RBFOX1: variants seen among roughly 807,000 people sequenced by gnomAD.
RBFOX1 encodes RNA binding fox-1 homolog 1.
Under a neutral mutation model 57.7 loss-of-function variants are expected in RBFOX1, and 8 were observed. That is an observed-to-expected ratio of 0.14 (90% CI 0.08 to 0.25). The LOEUF is 0.25. Among genes scored for constraint, RBFOX1 ranks in the 10% least tolerant of loss-of-function variants. The pLI, the probability that RBFOX1 is intolerant of heterozygous loss-of-function variation, is 1.00. For synonymous variants in RBFOX1, 326 were observed against 222.4 expected (o/e 1.47, Z -4.15); for missense variants, 611 against 548.5 (o/e 1.11, Z -1.14).
chr16:7,117,689 C>G (rs906687139), intron 4 of RBFOX1, among the ~76,000 whole-genome samples: 2 of 152,210 alleles, frequency 1.3e-5, no homozygotes, highest in African/African-American at 4.8e-5. Context: ...ACACAACACT[C>G]TTTTGTTATC....
chr16:5,373,176 C>T (rs1796188640), intron 1 of RBFOX1, among the ~76,000 whole-genome samples: 1 of 152,144 alleles, frequency 6.6e-6, no homozygotes, highest in African/African-American at 2.4e-5. Flanking sequence ...CACACAGCTG[C>T]TGCAGCATTC....
At chr16:5,287,559 A>C (rs191130591) in intron 1 of RBFOX1, among the ~76,000 whole-genome samples, 30 of 152,330 alleles carry the variant, frequency 2.0e-4, no homozygotes, top group African/African-American at 7.2e-4. Context: ...GGCTTAATAC[A>C]ACAATCGTTT....
At chr16:6,639,973 T>C (rs2098474074) in intron 2 of RBFOX1, among the ~76,000 whole-genome samples, 1 of 152,170 alleles carries the variant, frequency 6.6e-6, no homozygotes, top group Non-Finnish European at 1.5e-5. Flanking sequence ...CTGTATAGCT[T>C]ATCTCAGTAC....
chr16:6,613,304 G>A (rs2098094390), intron 2 of RBFOX1, among the ~76,000 whole-genome samples: 1 of 152,032 alleles, frequency 6.6e-6, no homozygotes, highest in Non-Finnish European at 1.5e-5. Flanking sequence ...GTAAACTTGG[G>A]AAGGATGGAG....
At chr16:6,356,964 C>T (rs1366609339) in intron 2 of RBFOX1, among the ~76,000 whole-genome samples, 1 of 152,078 alleles carries the variant, frequency 6.6e-6, no homozygotes, top group Non-Finnish European at 1.5e-5. Context: ...GCAATCACTC[C>T]TCCAGCAGCC....
At chr16:7,609,217 G>T (rs929427716) in intron 10 of RBFOX1, among the ~76,000 whole-genome samples, 1 of 152,180 alleles carries the variant, frequency 6.6e-6, no homozygotes, top group African/African-American at 2.4e-5. Context: ...GTCCAGTGAA[G>T]AACAAGAAGC....
intron 3 of RBFOX1, among the ~76,000 whole-genome samples, chr16:6,738,899 T>C (rs1285844526): frequency 2.0e-5 from 3 of 152,068 alleles, no homozygotes; most frequent in African/African-American, 7.2e-5. Flanking sequence ...GAGTTGAAAA[T>C]GAAGTCTCAT....
intron 3 of RBFOX1, among the ~76,000 whole-genome samples, chr16:5,627,424 TG>T (rs2048378112): frequency 1.3e-5 from 2 of 152,168 alleles, no homozygotes; most frequent in African/African-American, 4.8e-5. Flanking sequence ...TTGGGGTGTG[TG>T]TGTGTGTGTG....
intron 4 of RBFOX1, among the ~76,000 whole-genome samples, chr16:5,980,624 G>C (rs182934930): frequency 1.3e-5 from 2 of 152,100 alleles, no homozygotes; most frequent in Non-Finnish European, 2.9e-5. Context: ...CTTTGGAGGG[G>C]ATTTGTGATA....
At chr16:7,052,928 A>G (rs964109101) in intron 4 of RBFOX1, among the ~76,000 whole-genome samples, 2 of 152,174 alleles carry the variant, frequency 1.3e-5, no homozygotes, top group Non-Finnish European at 2.9e-5. Flanking sequence ...CCTTATAGCC[A>G]TGTTTTCAAA....
intron 2 of RBFOX1, among the ~76,000 whole-genome samples, chr16:5,529,389 CTTTTT>C (rs56820577): frequency 1.8e-3 from 242 of 130,910 alleles, no homozygotes; most frequent in Middle Eastern, 0.013. Context: ...TGGCCAGTGT[CTTTTT>C]TTTTTTTTTT....
chr16:6,370,660 A>G (rs1454080038), intron 2 of RBFOX1, among the ~76,000 whole-genome samples: 1 of 152,142 alleles, frequency 6.6e-6, no homozygotes, highest in Non-Finnish European at 1.5e-5. Context: ...AAAGTAATAT[A>G]GTGGTTCCTA....
At chr16:5,556,240 C>A (rs1018749406) in intron 2 of RBFOX1, among the ~76,000 whole-genome samples, 1 of 152,296 alleles carries the variant, frequency 6.6e-6, no homozygotes, top group Non-Finnish European at 1.5e-5. Context: ...CTTTGCTTTG[C>A]TTTAAGGCTA....
At chr16:6,553,984 C>T (rs752106550) in intron 2 of RBFOX1, among the ~76,000 whole-genome samples, 1 of 152,052 alleles carries the variant, frequency 6.6e-6, no homozygotes, top group Non-Finnish European at 1.5e-5. Flanking sequence ...ATTTTGGAAA[C>T]CCCAGGGTCT....
intron 1 of RBFOX1, among the ~76,000 whole-genome samples, chr16:6,025,047 C>T (rs1313252809): frequency 6.6e-6 from 1 of 152,088 alleles, no homozygotes; most frequent in Non-Finnish European, 1.5e-5. Flanking sequence ...TGGGAAGGGA[C>T]CCTGGCTGTT....
At chr16:6,260,626 C>G (rs988880711) in intron 1 of RBFOX1, among the ~76,000 whole-genome samples, 5 of 152,102 alleles carry the variant, frequency 3.3e-5, no homozygotes, top group Admixed American at 1.3e-4. Context: ...GCCTGTAATC[C>G]CAGCACTTTG....
chr16:7,067,829 TC>T (rs1223942596), intron 4 of RBFOX1, among the ~76,000 whole-genome samples: 1 of 151,906 alleles, frequency 6.6e-6, no homozygotes, highest in Non-Finnish European at 1.5e-5. Flanking sequence ...AATGATGATT[TC>T]CAATTTCATC....
intron 4 of RBFOX1, among the ~76,000 whole-genome samples, chr16:7,376,566 G>T (rs1044296181): frequency 6.6e-6 from 1 of 152,006 alleles, no homozygotes; most frequent in Non-Finnish European, 1.5e-5. Flanking sequence ...GAGTTTTCTG[G>T]GTTAGACCTC....
chr16:5,809,748 A>G (rs965566915), intron 3 of RBFOX1, among the ~76,000 whole-genome samples: 2 of 152,228 alleles, frequency 1.3e-5, no homozygotes, highest in African/African-American at 2.4e-5. Context: ...TAGTTCAACC[A>G]TTGTGGAAGT....
Sources: allele counts gnomAD v4.1 joint callset (sites outside exome capture counted in the v4.1 genomes callset), GRCh38; gene constraint gnomAD v4.1.1; transcripts MANE v1.5; gene names NCBI Gene and HGNC (gene_info 2026-07-23, HGNC 2026-07-21).